TRHR: variants seen among roughly 807,000 people sequenced by gnomAD.
TRHR encodes the protein thyrotropin-releasing hormone receptor.
In TRHR, 14 loss-of-function variants were observed where a neutral mutation model predicts 28.0. The observed-to-expected ratio is 0.50, with a 90% CI of 0.33 to 0.78. TRHR has a LOEUF of 0.78. Among genes scored for constraint, TRHR ranks in the 30% least tolerant of loss-of-function variants. TRHR has a pLI of 0.02. For synonymous variants in TRHR, 176 were observed against 171.9 expected, an observed-to-expected ratio of 1.02 and a Z score of -0.18; for missense variants, 438 against 469.5, an observed-to-expected ratio of 0.93 and a Z score of 0.62.
intron 2 of TRHR, among the ~76,000 whole-genome samples, chr8:109,104,340 C>A (rs1297466598): frequency 6.6e-6 from 1 of 151,994 alleles, no homozygotes; most frequent in African/African-American, 2.4e-5. Flanking sequence ...TGATGATTAG[C>A]AAGGACAAAA....
At position 109,121,301 on chromosome 8, in the gene TRHR, C is replaced by T. The variant is rs866941905; in HGVS notation, c.*1846C>T. Among the ~76,000 whole-genome samples, 6 of 151,612 alleles carry T rather than the reference C, an allele frequency of 4.0e-5. No homozygotes were observed. The South Asian group carries it at 8.3e-4, about 21-fold the overall frequency. ...ACCAGAGTGACCCAACCCCAAATCACACAAGCACATGTGTGTTTATAAACA... is the reference window on the plus strand; with the variant it reads ...ACCAGAGTGACCCAACCCCAAATCATACAAGCACATGTGTGTTTATAAACA... On this transcript the variant is annotated 3_prime_UTR_variant, in exon 3 of 3. Transcript: ENST00000518632.
At position 109,119,698 on chromosome 8, in the gene TRHR, GT is replaced by G; in HGVS notation, c.*246del. On this transcript the variant is annotated 3_prime_UTR_variant, in exon 3 of 3. Coordinates refer to ENST00000518632, the MANE Select transcript of TRHR (RefSeq NM_003301.7). ...AATAGCTAAATGATGGAAACTTAAA[GT>G]TTAGCCCTTTTCATTTAACTTAAGA... 3 of 460,368 alleles carry G rather than the reference GT, an allele frequency of 6.5e-6. No individual in the cohort carries two copies. The highest frequency in any genetic ancestry group is 1.2e-5 in the Non-Finnish European group (3 of 260,276). The allele number at this position is 460,368 out of a possible 1,614,324, so 28.5% of individuals were successfully genotyped here.
At chr8:109,100,321 A>T (rs1407828812) in intron 2 of TRHR, among the ~76,000 whole-genome samples, 1 of 152,172 alleles carries the variant, frequency 6.6e-6, no homozygotes, top group Non-Finnish European at 1.5e-5. Flanking sequence ...ACCTCCAGGG[A>T]TTTCTTTAGG....
chr8:109,087,970 C>T lies in TRHR; in HGVS notation c.458C>T (p.Thr153Ile), dbSNP rs1251751294. The T allele has an allele frequency of 1.2e-6, 2 of 1,614,134 alleles. No individual in the cohort carries two copies. The highest frequency in any genetic ancestry group is 1.7e-6 in the Non-Finnish European group (2 of 1,180,034). Residue 153 changes from threonine to isoleucine, a missense_variant, in exon 2 of 3, where the codon ACA becomes ATA. Transcript: ENST00000518632. Reference protein sequence around the residue: ...KKIIIFVWAFTSLYCMLWFFL... With the variant: ...KKIIIFVWAFISLYCMLWFFL... ...ATTATCATCTTTGTCTGGGCTTTCA[C>T]ATCTCTTTACTGTATGCTCTGGTTC...
rs117050010 is a variant in TRHR at position 109,118,735 on chromosome 8, C to T, written c.790-313C>T. ...TTAACAATATCCTTTAATGAATGGA[C>T]GCTGGCATTCATTCTCTTACTTCTG... On this transcript the variant is annotated intron_variant, in intron 2 of 2. Transcript: ENST00000518632. Among the ~76,000 whole-genome samples, 9 of 151,922 alleles carry T rather than the reference C, an allele frequency of 5.9e-5. No individual in the cohort carries two copies. The South Asian group carries it at 1.0e-3, about 17-fold the overall frequency.
intron 2 of TRHR, among the ~76,000 whole-genome samples, chr8:109,092,524 C>T (rs1014137511): frequency 6.6e-6 from 1 of 151,920 alleles, no homozygotes; most frequent in Non-Finnish European, 1.5e-5. Context: ...GCAACCTCTG[C>T]CCCCAGGATT....
At chr8:109,116,106 A>G (rs1811917178) in intron 2 of TRHR, among the ~76,000 whole-genome samples, 1 of 152,154 alleles carries the variant, frequency 6.6e-6, no homozygotes, top group Non-Finnish European at 1.5e-5. Context: ...GATTACATTT[A>G]TTGATTTGCG....
At chr8:109,095,572 G>A (rs865807368) in intron 2 of TRHR, among the ~76,000 whole-genome samples, 2 of 152,052 alleles carry the variant, frequency 1.3e-5, no homozygotes, top group Admixed American at 1.3e-4. Flanking sequence ...CCTGTCCCTT[G>A]TCATTCTACA....
chr8:109,119,586 T>C lies in TRHR; in HGVS notation c.*131T>C. On this transcript the variant is annotated 3_prime_UTR_variant, in exon 3 of 3. Transcript: ENST00000518632. ...AGTCTTTGTCAATGCTCTAACAAAT[T>C]CTGGCCCTAGATACTTTAACCCATG... 1 of 1,119,024 alleles carries C rather than the reference T, an allele frequency of 8.9e-7. No homozygotes were observed. The highest frequency in any genetic ancestry group is 1.3e-6 in the Non-Finnish European group (1 of 781,880). The allele number at this position is 1,119,024 out of a possible 1,614,324, so 69.3% of individuals were successfully genotyped here.
At chr8:109,106,784 T>C (rs895779848) in intron 2 of TRHR, among the ~76,000 whole-genome samples, 2 of 152,192 alleles carry the variant, frequency 1.3e-5, no homozygotes, top group Admixed American at 6.6e-5. Flanking sequence ...CTAGCATTCA[T>C]GAACTATTTT....
chr8:109,119,535 A>C lies in TRHR; in HGVS notation c.*80A>C. 1 of 1,523,966 alleles carries C rather than the reference A, an allele frequency of 6.6e-7. No homozygotes were observed. The highest frequency in any genetic ancestry group is 2.3e-5 in the East Asian group (1 of 43,944). 94.4% of individuals were successfully genotyped at this position (1,523,966 alleles called of 1,614,324 possible). ...CAACAAAAGGGAGAACATGGCCAAT[A>C]GTCATATGTGAAGACAGAGCAGATC... On this transcript the variant is annotated 3_prime_UTR_variant, in exon 3 of 3. Coordinates refer to ENST00000518632, the MANE Select transcript of TRHR (RefSeq NM_003301.7).
At chr8:109,091,093 C>T (rs1293124372) in intron 2 of TRHR, among the ~76,000 whole-genome samples, 2 of 152,042 alleles carry the variant, frequency 1.3e-5, no homozygotes, top group Admixed American at 6.6e-5. Flanking sequence ...TGACAGCCGT[C>T]GGGGAGGCAG....
chr8:109,111,467 G>A (rs1390465311), intron 2 of TRHR, among the ~76,000 whole-genome samples: 1 of 152,144 alleles, frequency 6.6e-6, no homozygotes, highest in Admixed American at 6.6e-5. Context: ...AGAATGTATA[G>A]TTACCCTCTG....
rs753608641 is a variant in TRHR, at chr8:109,088,144, A to G, written c.632A>G (p.Tyr211Cys). The G allele has an allele frequency of 1.2e-6, 2 of 1,614,162 alleles. No homozygotes were observed. Among genetic ancestry groups the G allele is most frequent in the East Asian group, 2.2e-5 (1 of 44,868 alleles). The change falls in exon 2 of 3, where the codon TAT (tyrosine) becomes TGT (cysteine). Residue 211 changes from tyrosine (Y) to cysteine (C), a missense_variant. Transcript: ENST00000518632. ...VVPMILATVL[Y>C]GFIARILFLN... ...CCAATGATCCTGGCTACCGTCCTCT[A>G]TGGATTCATAGCTAGAATCCTTTTC... is the stretch of plus-strand genomic sequence containing the variant.
At chr8:109,090,567 T>C (rs952471681) in intron 2 of TRHR, among the ~76,000 whole-genome samples, 4 of 152,156 alleles carry the variant, frequency 2.6e-5, no homozygotes, top group Non-Finnish European at 4.4e-5. Flanking sequence ...CATAAGCCAA[T>C]AGGAGTGTAT....
intron 2 of TRHR, among the ~76,000 whole-genome samples, chr8:109,096,927 A>T (rs538014637): frequency 6.6e-6 from 1 of 152,284 alleles, no homozygotes; most frequent in Admixed American, 6.5e-5. Context: ...TACATGTGAC[A>T]TATTCTTCTC....
chr8:109,087,372 C>T, intron 1 of TRHR, 53 bp from the exon 2 acceptor site: 2 of 916,434 alleles, frequency 2.2e-6, no homozygotes, highest in Non-Finnish European at 3.4e-6. Context: ...GTGATTGGGA[C>T]TTGATCAGAA....
At chr8:109,090,651 T>A (rs924645398) in intron 2 of TRHR, among the ~76,000 whole-genome samples, 1 of 152,160 alleles carries the variant, frequency 6.6e-6, no homozygotes, top group Non-Finnish European at 1.5e-5. Context: ...GGAAAATTAC[T>A]GGGCTACAGG....
intron 2 of TRHR, among the ~76,000 whole-genome samples, chr8:109,088,529 G>C (rs1811476738): frequency 6.6e-6 from 1 of 152,142 alleles, no homozygotes; most frequent in Non-Finnish European, 1.5e-5. Context: ...ATCAGTTCAG[G>C]TGCTATTAAG....
Sources: allele counts gnomAD v4.1 joint callset (sites outside exome capture counted in the v4.1 genomes callset), GRCh38; gene constraint gnomAD v4.1.1; transcripts MANE v1.5; gene names NCBI Gene and HGNC (gene_info 2026-07-23, HGNC 2026-07-21).